DYSF: variants seen among roughly 807,000 people sequenced by gnomAD.
The protein encoded by DYSF is dysferlin.
A neutral mutation model predicts 274.9 loss-of-function variants in DYSF; 212 were observed. The ratio of observed to expected loss-of-function variants is 0.77; its 90% CI spans 0.69 to 0.86. The LOEUF is 0.86. DYSF is among the 40% of genes least tolerant of loss of function. The pLI is 0.00. For synonymous variants in DYSF, 1,091 were observed against 1,078.7 expected (o/e 1.01, Z -0.22); for missense variants, 2,666 against 2,783.2 (o/e 0.96, Z 0.95).
intron 17 of DYSF, among the ~76,000 whole-genome samples, chr2:71,542,772 T>C (rs575250065): frequency 1.3e-5 from 2 of 152,284 alleles, no homozygotes; most frequent in East Asian, 3.9e-4. Context: ...TGCCCACTTC[T>C]CTCCACACAG....
intron 36 of DYSF, among the ~76,000 whole-genome samples, chr2:71,605,231 C>A (rs1558596808): frequency 6.6e-6 from 1 of 152,240 alleles, no homozygotes. Context: ...CTTCTCCCCG[C>A]CTCTTCTGAG....
Position 71,539,184 on chromosome 2 carries a change from G to A in DYSF, c.1521G>A (p.Val507=). The part of the protein sequence containing the change: ...DWDRLTHNDI[V]ATTYLSMSKI... Reference sequence around the variant, plus strand: ...ACCGCCTGACTCACAATGACATCGTGGCTACCACCTACCTGAGTATGTCGA... The same window carrying A: ...ACCGCCTGACTCACAATGACATCGTAGCTACCACCTACCTGAGTATGTCGA... The change falls in exon 17 of 56, where the codon GTG becomes GTA. Residue 507 remains valine, a synonymous_variant. Coordinates refer to ENST00000410020, the MANE Select transcript of DYSF (RefSeq NM_001130987.2). The A allele has an allele frequency of 6.2e-7, 1 of 1,613,966 alleles. No homozygotes were observed. The highest frequency in any genetic ancestry group is 8.5e-7 in the Non-Finnish European group (1 of 1,179,994).
chr2:71,649,432 T>A lies in DYSF; in HGVS notation c.4626+5369T>A, dbSNP rs57794155. 5.9e-5 allele frequency among the ~76,000 whole-genome samples: 9 copies of A among 152,156 alleles called. No individual in the cohort carries two copies. In the East Asian group the frequency reaches 1.7e-3, roughly 29 times the overall value. On this transcript the variant is annotated intron_variant, in intron 42 of 55. Coordinates refer to ENST00000410020, the MANE Select transcript of DYSF (RefSeq NM_001130987.2). The stretch of plus-strand genomic sequence containing the variant: ...TACAAGCAAACAGTACAAAGGTAAA[T>A]GTTAAGGAAGATATTCTTGTCTAAA...
chr2:71,569,783 C>A, intron 26 of DYSF, 37 bp from the exon 27 acceptor site: 7 of 1,575,376 alleles, frequency 4.4e-6, no homozygotes, highest in Non-Finnish European at 6.1e-6. Context: ...GCCTCTCCAG[C>A]AGAGCAGCAG....
At chr2:71,616,802 A>G (rs1160715221) in intron 40 of DYSF, among the ~76,000 whole-genome samples, 1 of 152,214 alleles carries the variant, frequency 6.6e-6, no homozygotes, top group Non-Finnish European at 1.5e-5. Context: ...ACTGCACCCA[A>G]CATTTCATTG....
intron 3 of DYSF, among the ~76,000 whole-genome samples, chr2:71,487,754 C>G (rs1439252855): frequency 6.6e-6 from 1 of 152,172 alleles, no homozygotes; most frequent in Non-Finnish European, 1.5e-5. Flanking sequence ...GGTGATCTAC[C>G]TGCCTTGGCT....
At chr2:71,522,899 T>G (rs1430436909) in intron 12 of DYSF, among the ~76,000 whole-genome samples, 1 of 152,108 alleles carries the variant, frequency 6.6e-6, no homozygotes, top group Non-Finnish European at 1.5e-5. Context: ...CCAGTCTTGT[T>G]GGTGGAAAAC....
At chr2:71,539,268 AC>A in intron 17 of DYSF, 29 bp downstream of exon 17, 5 of 1,599,070 alleles carry the variant, frequency 3.1e-6, no homozygotes, top group Non-Finnish European at 3.4e-6. Context: ...CTGCCCTTTG[AC>A]CCCCTGTGCT....
rs7566703 is a variant in DYSF at position 71,547,699 on chromosome 2, C to T, written c.1577-3342C>T. ...GTGAATTAATGAAAAGGTGTGGTTG[C>T]GAGGCAGGCTGCTTCGCAGCCACCC... is the stretch of plus-strand genomic sequence containing the variant. On this transcript the variant is annotated intron_variant, in intron 17 of 55. Transcript: ENST00000410020. 4.1e-4 allele frequency among the ~76,000 whole-genome samples: 63 copies of T among 152,210 alleles called. 2 individuals are homozygous for T. In the East Asian group the frequency reaches 0.01, roughly 25 times the overall value.
chr2:71,521,124 G>A (rs1411983533), intron 12 of DYSF, among the ~76,000 whole-genome samples: 1 of 152,092 alleles, frequency 6.6e-6, no homozygotes, highest in Non-Finnish European at 1.5e-5. Flanking sequence ...CTACCACTCC[G>A]AGAGAGCTAT....
intron 23 of DYSF, 112 bp from the exon 24 acceptor site, chr2:71,563,946 G>A: frequency 6.9e-7 from 1 of 1,449,674 alleles, no homozygotes; most frequent in Non-Finnish European, 9.6e-7. Context: ...GATGGAAGCT[G>A]GGAGAGGAGA....
intron 1 of DYSF, among the ~76,000 whole-genome samples, chr2:71,477,619 C>T (rs985774272): frequency 2.0e-5 from 3 of 152,164 alleles, no homozygotes; most frequent in African/African-American, 7.2e-5. Context: ...GGAAGATCTA[C>T]GTAACTGACT....
At chr2:71,454,202 C>A in intron 1 of DYSF, 2 of 1,039,808 alleles carry the variant, frequency 1.9e-6, no homozygotes, top group East Asian at 5.2e-5. Context: ...TCTGGCCCCG[C>A]CAGACTGACG....
chr2:71,455,786 C>T (rs114562433), intron 1 of DYSF, among the ~76,000 whole-genome samples: 6 of 152,092 alleles, frequency 3.9e-5, no homozygotes, highest in Non-Finnish European at 8.8e-5. Context: ...TGCAGCAGCC[C>T]CTGCTGTCAG....
intron 4 of DYSF, among the ~76,000 whole-genome samples, chr2:71,503,748 G>A (rs2085214399): frequency 6.6e-6 from 1 of 152,076 alleles, no homozygotes; most frequent in African/African-American, 2.4e-5. Context: ...TGGAGGGAAA[G>A]AGCCCTCTCC....
At chr2:71,474,322 G>T (rs1276934605) in intron 1 of DYSF, among the ~76,000 whole-genome samples, 1 of 152,196 alleles carries the variant, frequency 6.6e-6, no homozygotes, top group African/African-American at 2.4e-5. Flanking sequence ...AACCCTCAGG[G>T]TTTCATCATG....
chr2:71,661,434 G>A (rs2094880026), intron 45 of DYSF, among the ~76,000 whole-genome samples: 3 of 152,042 alleles, frequency 2.0e-5, no homozygotes, highest in Non-Finnish European at 1.5e-5. Flanking sequence ...TCCCACTAAT[G>A]TCCTCTTACT....
chr2:71,618,434 G>GTGT (rs1558640223), intron 40 of DYSF, among the ~76,000 whole-genome samples: 2 of 45,704 alleles, frequency 4.4e-5, no homozygotes, highest in African/African-American at 1.8e-4. Context: ...GTAGAGGTGG[G>GTGT]GTGTGTGTGG....
At chr2:71,665,386 A>G in intron 47 of DYSF, 82 bp downstream of exon 47, 1 of 1,590,324 alleles carries the variant, frequency 6.3e-7, no homozygotes, top group South Asian at 1.1e-5. Context: ...CTACCATAAA[A>G]GACCCAAGCG....
Sources: gnomAD v4.1 joint callset for allele counts (sites outside exome capture counted in the v4.1 genomes callset) on GRCh38, gnomAD v4.1.1 for gene constraint, MANE v1.5 for transcripts, NCBI Gene and HGNC (gene_info 2026-07-23, HGNC 2026-07-21) for gene names.